SOX6: variants seen among roughly 807,000 people sequenced by gnomAD.
SOX6 encodes the protein transcription factor SOX-6.
A neutral mutation model predicts 97.8 loss-of-function variants in SOX6; 11 were observed. The observed-to-expected ratio is 0.11, with a 90% CI of 0.07 to 0.19. The LOEUF is 0.19. Among genes scored for constraint, SOX6 ranks in the 10% least tolerant of loss-of-function variants. The probability of loss-of-function intolerance (pLI) is 1.00; values close to 1 mark genes in which losing one functional copy is unlikely to be tolerated. For missense variants in SOX6, 810 were observed against 1,039.5 expected, an observed-to-expected ratio of 0.78 and a Z score of 3.04; for synonymous variants, 360 against 371.4, an observed-to-expected ratio of 0.97 and a Z score of 0.35.
At position 16,277,751 on chromosome 11, in the gene SOX6, G is replaced by T. The variant is rs1590085670; in HGVS notation, c.445+40695C>A. On this transcript the variant is annotated intron_variant, in intron 3 of 15. Coordinates refer to ENST00000683767, the MANE Select transcript of SOX6 (RefSeq NM_001367873.1). ...ATCTTTCTTTCCTCCCCTGCTGGGG[G>T]ATTGGAAGTGTAGCATTCACTTTAC... 2.0e-5 allele frequency among the ~76,000 whole-genome samples: 3 copies of T among 152,292 alleles called. 1 individual carries two copies.
chr11:15,972,231 A>G lies in SOX6; in HGVS notation c.*578T>C, dbSNP rs1853338578. 6.5e-6 allele frequency: 1 copy of G among 153,024 alleles called. No individual in the cohort carries two copies. The highest frequency in any genetic ancestry group is 1.5e-5 in the Non-Finnish European group (1 of 68,352). The allele number at this position is 153,024 out of a possible 1,614,324, so 9.5% of individuals were successfully genotyped here. A position where few individuals can be genotyped will look rare whatever the true frequency, so the allele number is the denominator to read the frequency against. Reference sequence around the variant, plus strand: ...GACTTTCAAAATATTAAGATTCAAAAGTTACGAAAAAGTTTGGCACATTCA... The same window carrying G: ...GACTTTCAAAATATTAAGATTCAAAGGTTACGAAAAAGTTTGGCACATTCA... On this transcript the variant is annotated 3_prime_UTR_variant, in exon 16 of 16. Coordinates refer to ENST00000683767, the MANE Select transcript of SOX6 (RefSeq NM_001367873.1).
intron 4 of SOX6, among the ~76,000 whole-genome samples, chr11:16,571,090 A>G (rs939301570): frequency 1.3e-5 from 2 of 152,208 alleles, no homozygotes; most frequent in Non-Finnish European, 2.9e-5. Flanking sequence ...CAGAGAAGAT[A>G]TTAGAATATT....
At chr11:16,451,507 T>A (rs1859714986) in intron 1 of SOX6, among the ~76,000 whole-genome samples, 1 of 152,040 alleles carries the variant, frequency 6.6e-6, no homozygotes, top group Non-Finnish European at 1.5e-5. Flanking sequence ...CATTATGGAG[T>A]AATGTGTACA....
chr11:16,401,010 A>T lies in SOX6; in HGVS notation c.-4-59758T>A, dbSNP rs189865165. Among the ~76,000 whole-genome samples, 12 of 151,636 alleles carry T rather than the reference A, an allele frequency of 7.9e-5. No individual in the cohort carries two copies. In the East Asian group the frequency reaches 2.3e-3, roughly 29 times the overall value. ...TGTGATATCTGTGTTTGCATAAAGCACAAATTTGCAGTCTTACAATATTCT... is the reference window on the plus strand; with the variant it reads ...TGTGATATCTGTGTTTGCATAAAGCTCAAATTTGCAGTCTTACAATATTCT... On this transcript the variant is annotated intron_variant, in intron 1 of 15. Transcript: ENST00000396356.
chr11:16,138,447 C>A (rs1360220896), intron 6 of SOX6, among the ~76,000 whole-genome samples: 1 of 152,146 alleles, frequency 6.6e-6, no homozygotes, highest in African/African-American at 2.4e-5. Context: ...AATCATGTGT[C>A]ATCATGCCTT....
chr11:16,132,322 GGAAGGAA>G (rs1849776991), intron 6 of SOX6, among the ~76,000 whole-genome samples: 2 of 77,896 alleles, frequency 2.6e-5, no homozygotes, highest in African/African-American at 9.6e-5. Context: ...AAGGAAGGAA[GGAAGGAA>G]GGAAAGAAAA....
chr11:16,180,395 A>G (rs1160578448), intron 6 of SOX6, among the ~76,000 whole-genome samples: 1 of 151,760 alleles, frequency 6.6e-6, no homozygotes, highest in African/African-American at 2.4e-5. Context: ...ATGAATCAAT[A>G]TTCCCAACTC....
intron 1 of SOX6, among the ~76,000 whole-genome samples, chr11:16,342,585 C>G (rs954774444): frequency 6.6e-6 from 1 of 151,842 alleles, no homozygotes; most frequent in Non-Finnish European, 1.5e-5. Flanking sequence ...ACAAATCTGT[C>G]ACACGCTTTC....
In SOX6 at chr11:15,996,247, G is replaced by A. The variant is rs147823711; in HGVS notation, c.1733-7017C>T. On this transcript the variant is annotated intron_variant, in intron 13 of 15. Transcript: ENST00000683767. Reference sequence around the variant, plus strand: ...AAATAGAATTAGATTGTTAAAGGTCGTAATATTTTACGTGAAGTGGTAAAA... The same window carrying A: ...AAATAGAATTAGATTGTTAAAGGTCATAATATTTTACGTGAAGTGGTAAAA... Among the ~76,000 whole-genome samples the A allele has an allele frequency of 2.1e-4, 32 of 152,236 alleles. No individual in the cohort carries two copies. The South Asian group carries it at 4.8e-3, about 23-fold the overall frequency.
At chr11:16,274,679 G>T (rs968918629) in intron 3 of SOX6, among the ~76,000 whole-genome samples, 1 of 152,064 alleles carries the variant, frequency 6.6e-6, no homozygotes, top group African/African-American at 2.4e-5. Context: ...GATTAAAGGC[G>T]CTGTATTCAT....
intron 4 of SOX6, among the ~76,000 whole-genome samples, chr11:16,541,168 C>G (rs1318086445): frequency 6.6e-6 from 1 of 152,172 alleles, no homozygotes; most frequent in African/African-American, 2.4e-5. Flanking sequence ...AATAACACCA[C>G]ACATCTACAG....
At chr11:16,706,467 AAAAAATATATATATATATATATATATAT>A (rs1848134426) in intron 3 of SOX6, among the ~76,000 whole-genome samples, 1 of 23,134 alleles carries the variant, frequency 4.3e-5, no homozygotes, top group Non-Finnish European at 8.4e-5. Flanking sequence ...AAAAAAAAAA[AAAAAATATATATATATATATATATATAT>A]ATATATATAT....
chr11:16,182,372 T>C (rs960902824), intron 6 of SOX6, among the ~76,000 whole-genome samples: 15 of 151,862 alleles, frequency 9.9e-5, no homozygotes, highest in African/African-American at 3.6e-4. Context: ...ACGATCATGT[T>C]ATTTAACACC....
chr11:15,977,956 C>T (rs1853538686), intron 15 of SOX6, among the ~76,000 whole-genome samples: 1 of 152,102 alleles, frequency 6.6e-6, no homozygotes, highest in Admixed American at 6.6e-5. Context: ...GACTGGCCTC[C>T]CTGTATCTGT....
chr11:16,087,054 C>T (rs1216791651), intron 9 of SOX6, among the ~76,000 whole-genome samples: 2 of 152,162 alleles, frequency 1.3e-5, no homozygotes, highest in African/African-American at 4.8e-5. Flanking sequence ...CTTAAACCAT[C>T]TATTACAGTC....
At chr11:16,640,199 C>T (rs143429432) in intron 3 of SOX6, among the ~76,000 whole-genome samples, 3,884 of 152,044 alleles carry the variant, frequency 0.026, 156 homozygotes, top group African/African-American at 0.088. Flanking sequence ...TCTGTTTATA[C>T]GCTGGATTAC....
chr11:16,077,932 C>T (rs1848393746), intron 9 of SOX6, among the ~76,000 whole-genome samples: 2 of 150,914 alleles, frequency 1.3e-5, no homozygotes, highest in African/African-American at 4.9e-5. Context: ...AAATAACAAA[C>T]TTGCCAAAAA....
intron 1 of SOX6, among the ~76,000 whole-genome samples, chr11:16,363,958 T>C (rs1171265152): frequency 6.6e-6 from 1 of 152,154 alleles, no homozygotes; most frequent in Non-Finnish European, 1.5e-5. Flanking sequence ...CTTAGCCAGA[T>C]GTTCTTTTCC....
intron 15 of SOX6, among the ~76,000 whole-genome samples, chr11:15,976,509 G>C (rs182376490): frequency 6.6e-6 from 1 of 152,248 alleles, no homozygotes; most frequent in African/African-American, 2.4e-5. Context: ...ACCTCACAGA[G>C]AGCAAGCATG....
Sources: allele counts gnomAD v4.1 joint callset (sites outside exome capture counted in the v4.1 genomes callset), GRCh38; gene constraint gnomAD v4.1.1; transcripts MANE v1.5; gene names NCBI Gene and HGNC (gene_info 2026-07-23, HGNC 2026-07-21).